Variants in MDFIC observed in about 807,000 individuals in gnomAD.
MDFIC encodes the protein myoD family inhibitor domain-containing protein.
Under a neutral mutation model 23.2 loss-of-function variants are expected in MDFIC, and 17 were observed. The observed-to-expected ratio is 0.73, with a 90% CI of 0.50 to 1.10. The LOEUF is 1.10. MDFIC is among the 50% of genes least tolerant of loss of function. The pLI, the probability that MDFIC is intolerant of heterozygous loss-of-function variation, is 0.00. For missense variants in MDFIC, 356 were observed against 316.6 expected (o/e 1.12, Z -0.95); for synonymous variants, 120 against 115.2 (o/e 1.04, Z -0.27).
chr7:114,982,036 A>G (rs1277490717), intron 4 of MDFIC, among the ~76,000 whole-genome samples: 1 of 152,200 alleles, frequency 6.6e-6, no homozygotes, highest in Non-Finnish European at 1.5e-5. Context: ...TGTGGAATGA[A>G]GGGTTTGGAT....
At chr7:115,005,232 G>C (rs1791546437) in intron 4 of MDFIC, among the ~76,000 whole-genome samples, 1 of 152,178 alleles carries the variant, frequency 6.6e-6, no homozygotes, top group South Asian at 2.1e-4. Context: ...ACAGAGCCAA[G>C]ACCAGAAAGC....
intron 3 of MDFIC, among the ~76,000 whole-genome samples, chr7:114,971,071 C>G (rs1424862962): frequency 6.6e-6 from 1 of 152,146 alleles, no homozygotes; most frequent in Non-Finnish European, 1.5e-5. Context: ...AAGCTGTCTA[C>G]TTTTTCTAGT....
intron 3 of MDFIC, among the ~76,000 whole-genome samples, chr7:114,978,502 C>T (rs957315800): frequency 6.6e-6 from 1 of 151,846 alleles, no homozygotes; most frequent in Non-Finnish European, 1.5e-5. Context: ...CGTATAGCAT[C>T]TTTTGTTTGT....
At chr7:115,015,086 CAG>C (rs1231508532) in intron 4 of MDFIC, among the ~76,000 whole-genome samples, 1 of 152,090 alleles carries the variant, frequency 6.6e-6, no homozygotes, top group Non-Finnish European at 1.5e-5. Flanking sequence ...TGGACCCAAC[CAG>C]AGAGTCTCAC....
At chr7:114,982,821 A>G (rs1793440857) in intron 4 of MDFIC, among the ~76,000 whole-genome samples, 3 of 152,218 alleles carry the variant, frequency 2.0e-5, no homozygotes, top group Admixed American at 2.0e-4. Flanking sequence ...TTGTCTGGAG[A>G]TGACCATTTT....
chr7:115,010,413 AC>A (rs1234218812), intron 4 of MDFIC, among the ~76,000 whole-genome samples: 5 of 152,206 alleles, frequency 3.3e-5, no homozygotes, highest in Non-Finnish European at 4.4e-5. Context: ...ACAAGGAATA[AC>A]AATCAGATCA....
chr7:115,003,636 GT>G (rs1471220977), intron 4 of MDFIC, among the ~76,000 whole-genome samples: 1 of 152,142 alleles, frequency 6.6e-6, no homozygotes, highest in Admixed American at 6.5e-5. Context: ...AATTGAAGAT[GT>G]TTTACCTGGT....
At chr7:114,998,771 C>T (rs1419296072) in intron 4 of MDFIC, among the ~76,000 whole-genome samples, 1 of 151,990 alleles carries the variant, frequency 6.6e-6, no homozygotes, top group African/African-American at 2.4e-5. Flanking sequence ...GTTTGCCTGG[C>T]TGAATTGACA....
intron 2 of MDFIC, among the ~76,000 whole-genome samples, chr7:114,939,861 G>T (rs1014820487): frequency 2.6e-5 from 4 of 152,160 alleles, no homozygotes; most frequent in African/African-American, 4.8e-5. Context: ...TTCAATTAAA[G>T]TTACTAATTG....
chr7:115,018,005 CAAA>C lies in MDFIC; in HGVS notation c.*2071_*2073del, dbSNP rs1791825397. On this transcript the variant is annotated 3_prime_UTR_variant, in exon 5 of 5. Coordinates refer to ENST00000393486, the MANE Select transcript of MDFIC (RefSeq NM_001166345.3). ...AAGGGCTTAAAAAGAAAAAACTTAGCAAACTTTTGAATCTTTCTTTTATTGCTA... is the reference window on the plus strand; with the variant it reads ...AAGGGCTTAAAAAGAAAAAACTTAGCCTTTTGAATCTTTCTTTTATTGCTA... 1 of 151,908 alleles carries C rather than the reference CAAA, an allele frequency of 6.6e-6. No homozygotes were observed. Among genetic ancestry groups the C allele is most frequent in the Non-Finnish European group, 1.5e-5 (1 of 67,852 alleles). 9.4% of individuals were successfully genotyped at this position (151,908 alleles called of 1,614,324 possible).
chr7:114,979,750 C>A lies in MDFIC; in HGVS notation c.462C>A (p.Val154=). ...DISKKSKVNA[V]FSQKTGSSPE... ...GTAAGAAGAGCAAAGTAAATGCTGTCTTTTCCCAAAAGACAGGCTCTTCAC... is the reference window on the plus strand; with the variant it reads ...GTAAGAAGAGCAAAGTAAATGCTGTATTTTCCCAAAAGACAGGCTCTTCAC... Residue 154 remains valine, a synonymous_variant, in exon 4 of 5, where the codon GTC becomes GTA. Transcript: ENST00000393486. 2 of 1,613,928 alleles carry A rather than the reference C, an allele frequency of 1.2e-6. No homozygotes were observed. Among genetic ancestry groups the A allele is most frequent in the Non-Finnish European group, 1.7e-6 (2 of 1,179,856 alleles).
intron 4 of MDFIC, among the ~76,000 whole-genome samples, chr7:115,001,812 A>T (rs1024930325): frequency 5.9e-5 from 9 of 152,164 alleles, no homozygotes; most frequent in African/African-American, 1.9e-4. Flanking sequence ...CCATGAAAAA[A>T]ATATATATGT....
At position 115,019,287 on chromosome 7, in the gene MDFIC, G is replaced by C. The variant is rs1791857176; in HGVS notation, c.*3352G>C. On this transcript the variant is annotated 3_prime_UTR_variant, in exon 5 of 5. Coordinates refer to ENST00000393486, the MANE Select transcript of MDFIC (RefSeq NM_001166345.3). ...AAACAATACAGTATGACTTTATTTAGGAGAAGGCTTTTTATTTAGAAAATT... is the reference window on the plus strand; with the variant it reads ...AAACAATACAGTATGACTTTATTTACGAGAAGGCTTTTTATTTAGAAAATT... The C allele has an allele frequency of 6.6e-6, 1 of 151,930 alleles. No homozygotes were observed. Among genetic ancestry groups the C allele is most frequent in the Non-Finnish European group, 1.5e-5 (1 of 67,922 alleles). 9.4% of individuals were successfully genotyped at this position (151,930 alleles called of 1,614,324 possible).
chr7:114,986,872 A>C (rs577221522), intron 4 of MDFIC, among the ~76,000 whole-genome samples: 4 of 152,334 alleles, frequency 2.6e-5, no homozygotes, highest in Non-Finnish European at 5.9e-5. Flanking sequence ...TCTCACTGAA[A>C]GCAGAGTCTG....
intron 3 of MDFIC, among the ~76,000 whole-genome samples, 187 bp downstream of exon 3, chr7:114,942,584 C>G (rs2115764472): frequency 6.6e-6 from 1 of 152,216 alleles, no homozygotes; most frequent in Non-Finnish European, 1.5e-5. Context: ...TCAGTGTTGC[C>G]TTTCTTCAGA....
Position 114,979,798 on chromosome 7 carries a change from T to G in MDFIC, c.493+17T>G. ...CACCTGAAGGTAAGTTTGAGATATA[T>G]GTAGATTTTATTTGACCAGATGTAA... On this transcript the variant is annotated intron_variant, in intron 4 of 4. Transcript: ENST00000393486. 1 of 1,608,776 alleles carries G rather than the reference T, an allele frequency of 6.2e-7. No individual in the cohort carries two copies. The highest frequency in any genetic ancestry group is 8.5e-7 in the Non-Finnish European group (1 of 1,176,142).
chr7:115,014,776 C>A (rs1224176564), intron 4 of MDFIC, among the ~76,000 whole-genome samples: 1 of 152,108 alleles, frequency 6.6e-6, no homozygotes, highest in Non-Finnish European at 1.5e-5. Flanking sequence ...CCTTCCATTA[C>A]CCCTCTCACT....
intron 4 of MDFIC, among the ~76,000 whole-genome samples, chr7:115,003,950 A>T (rs1562827968): frequency 2.0e-5 from 3 of 152,214 alleles, no homozygotes; most frequent in East Asian, 3.8e-4. Flanking sequence ...TTATCTCATA[A>T]AATTATTCTA....
chr7:114,951,299 G>A (rs1172010779), intron 3 of MDFIC, among the ~76,000 whole-genome samples: 1 of 152,120 alleles, frequency 6.6e-6, no homozygotes, highest in East Asian at 1.9e-4. Context: ...GGGATGAATG[G>A]AATAGTAGTT....
Sources: gnomAD v4.1 joint callset for allele counts (sites outside exome capture counted in the v4.1 genomes callset) on GRCh38, gnomAD v4.1.1 for gene constraint, MANE v1.5 for transcripts, NCBI Gene and HGNC (gene_info 2026-07-23, HGNC 2026-07-21) for gene names.